Variants in PAQR5 observed in about 807,000 individuals in gnomAD.
The protein encoded by PAQR5 is progestin and adipoQ receptor family member 5.
A neutral mutation model predicts 34.5 loss-of-function variants in PAQR5; 20 were observed. The observed-to-expected ratio is 0.58, with a 90% CI of 0.41 to 0.84. The LOEUF (loss-of-function observed/expected upper bound fraction) is 0.84. Ranked by LOEUF, PAQR5 falls within the 40% of genes least tolerant of loss-of-function variation. The pLI, the probability that PAQR5 is intolerant of heterozygous loss-of-function variation, is 0.00. For missense variants in PAQR5, 378 were observed against 412.7 expected (o/e 0.92, Z 0.73); for synonymous variants, 131 against 155.6 (o/e 0.84, Z 1.18).
chr15:69,325,304 C>G (rs771150794), intron 1 of PAQR5, among the ~76,000 whole-genome samples: 23 of 152,146 alleles, frequency 1.5e-4, no homozygotes, highest in Non-Finnish European at 2.2e-4. Flanking sequence ...TGTCTATCCC[C>G]AGGCAGCTGC....
intron 8 of PAQR5, among the ~76,000 whole-genome samples, chr15:69,403,336 A>T (rs540637427): frequency 4.6e-5 from 7 of 152,354 alleles, no homozygotes; most frequent in Non-Finnish European, 1.0e-4. Flanking sequence ...CATCAGTTTT[A>T]GAACATTTTC....
chr15:69,339,881 T>G (rs150899038), intron 2 of PAQR5, among the ~76,000 whole-genome samples: 1,998 of 152,114 alleles, frequency 0.013, 22 homozygotes, highest in African/African-American at 0.02. Context: ...ACCTTTTTTT[T>G]GGGGGACGGA....
intron 2 of PAQR5, among the ~76,000 whole-genome samples, chr15:69,337,989 A>G (rs1419736799): frequency 6.6e-6 from 1 of 152,108 alleles, no homozygotes; most frequent in Admixed American, 6.5e-5. Context: ...AGGCACGAGA[A>G]TTGCTTGAAC....
chr15:69,405,143 C>A lies in PAQR5; in HGVS notation c.*1321C>A. ...CATTACTGATTAAAGTTCAGTATTT[C>A]ATGGTGTTTTCAGGGAACACAGAAA... On this transcript the variant is annotated 3_prime_UTR_variant, in exon 9 of 9. Coordinates refer to ENST00000395407, the MANE Select transcript of PAQR5 (RefSeq NM_017705.4). 2 of 396,340 alleles carry A rather than the reference C, an allele frequency of 5.0e-6. No homozygotes were observed. The highest frequency in any genetic ancestry group is 1.4e-4 in the South Asian group (1 of 7,274). The allele number at this position is 396,340 out of a possible 1,614,324, so 24.6% of individuals were successfully genotyped here. A position where few individuals can be genotyped will look rare whatever the true frequency, so the allele number is the denominator to read the frequency against.
At chr15:69,345,788 T>C (rs1595878436) in intron 2 of PAQR5, among the ~76,000 whole-genome samples, 1 of 152,108 alleles carries the variant, frequency 6.6e-6, no homozygotes, top group Non-Finnish European at 1.5e-5. Context: ...AAAAAAGAAA[T>C]CTTGCATAGT....
rs181718155 is a variant in PAQR5, at chr15:69,397,830, G to T, written c.609+266G>T. 156 of 519,228 alleles carry T rather than the reference G, an allele frequency of 3.0e-4. 1 individual carries two copies. The East Asian group carries it at 4.7e-3, about 16-fold the overall frequency. The allele number at this position is 519,228 out of a possible 1,614,324, so 32.2% of individuals were successfully genotyped here. A position where few individuals can be genotyped will look rare whatever the true frequency, so the allele number is the denominator to read the frequency against. On this transcript the variant is annotated intron_variant, in intron 7 of 8. Transcript: ENST00000395407. ...GTCTTCCTTTTTCTACATAGACACA[G>T]TAACAGTCTGATATATCTTTCTTTC... is the stretch of plus-strand genomic sequence containing the variant.
Position 69,322,769 on chromosome 15 carries a change from A to AGAC in PAQR5, c.-276-14570_-276-14569insCGA, listed in dbSNP as rs1566997979. On this transcript the variant is annotated intron_variant, in intron 1 of 8. Coordinates refer to ENST00000395407, the MANE Select transcript of PAQR5 (RefSeq NM_017705.4). ...AAGAAGAAGAAGAAGAAGAAGAAGAAGAGGGAGAAGAAGAAGACGAGGAAG... is the reference window on the plus strand; with the variant it reads ...AAGAAGAAGAAGAAGAAGAAGAAGAAGACGAGGGAGAAGAAGAAGACGAGGAAG... Among the ~76,000 whole-genome samples, 78 of 29,614 alleles carry AGAC rather than the reference A, an allele frequency of 2.6e-3. 20 individuals carry two copies. The highest frequency in any genetic ancestry group is 0.015 in the East Asian group (11 of 720). 19.4% of individuals were successfully genotyped at this position (29,614 alleles called of 152,430 possible).
intron 1 of PAQR5, among the ~76,000 whole-genome samples, chr15:69,332,601 G>A (rs534200685): frequency 6.6e-6 from 1 of 152,062 alleles, no homozygotes; most frequent in East Asian, 1.9e-4. Context: ...GACAATGGCA[G>A]CCTGAGTTTT....
chr15:69,306,188 G>A (rs1300743575), intron 1 of PAQR5, among the ~76,000 whole-genome samples: 1 of 152,038 alleles, frequency 6.6e-6, no homozygotes, highest in Admixed American at 6.6e-5. Context: ...GCTGTGTTGC[G>A]GGGAATTGGG....
At chr15:69,396,536 C>T (rs773123764) in intron 6 of PAQR5, among the ~76,000 whole-genome samples, 2 of 152,186 alleles carry the variant, frequency 1.3e-5, no homozygotes, top group Non-Finnish European at 2.9e-5. Flanking sequence ...AGGGAGGACA[C>T]AGCCCTCCAC....
intron 1 of PAQR5, among the ~76,000 whole-genome samples, chr15:69,327,050 T>C (rs926416079): frequency 6.6e-6 from 1 of 151,886 alleles, no homozygotes; most frequent in Admixed American, 6.6e-5. Flanking sequence ...GCAGTGGCAG[T>C]AACATGGCTC....
At chr15:69,397,785 A>C (rs1443565174) in intron 7 of PAQR5, 2 of 583,152 alleles carry the variant, frequency 3.4e-6, no homozygotes, top group African/African-American at 3.7e-5. Flanking sequence ...CTTAGTACAG[A>C]TCAAAATGGA....
chr15:69,300,628 T>C (rs1354152313), intron 1 of PAQR5, among the ~76,000 whole-genome samples: 17 of 56,216 alleles, frequency 3.0e-4, no homozygotes, highest in South Asian at 6.4e-4. Flanking sequence ...TTTCTTTCTT[T>C]CTTTCTTTCT....
At chr15:69,379,306 G>C in intron 3 of PAQR5, 1 of 465,410 alleles carries the variant, frequency 2.1e-6, no homozygotes, top group Non-Finnish European at 2.8e-6. Context: ...CAAATGGGCT[G>C]CATGGGGGTG....
At chr15:69,299,555 G>C (rs891328021) in intron 1 of PAQR5, among the ~76,000 whole-genome samples, 16 of 152,280 alleles carry the variant, frequency 1.1e-4, no homozygotes, top group African/African-American at 3.8e-4. Context: ...CTGCCTGCGG[G>C]GGTCGTCCCG....
intron 2 of PAQR5, among the ~76,000 whole-genome samples, chr15:69,356,512 C>G (rs2055081358): frequency 1.3e-5 from 2 of 152,142 alleles, no homozygotes; most frequent in South Asian, 2.1e-4. Flanking sequence ...GCATTTTAAC[C>G]ATTTTTAAGT....
chr15:69,317,486 C>G (rs1005776201), intron 1 of PAQR5, among the ~76,000 whole-genome samples: 1 of 152,216 alleles, frequency 6.6e-6, no homozygotes, highest in Non-Finnish European at 1.5e-5. Flanking sequence ...AGCCTTCTTC[C>G]CTCTGCCAGT....
chr15:69,391,750 G>C, intron 6 of PAQR5: 1 of 453,186 alleles, frequency 2.2e-6, no homozygotes, highest in South Asian at 1.6e-5. Context: ...GGCTTCGTGA[G>C]TGTGGAAGAA....
In PAQR5 at chr15:69,310,672, C is replaced by T. The variant is rs182408870; in HGVS notation, c.-277+11616C>T. ...TCTTTTGTCTGGAATATACATTATA[C>T]GTTTTTCCCTTCCTCATTTGGTCAA... is the stretch of plus-strand genomic sequence containing the variant. On this transcript the variant is annotated intron_variant, in intron 1 of 8. Coordinates refer to ENST00000395407, the MANE Select transcript of PAQR5 (RefSeq NM_017705.4). Among the ~76,000 whole-genome samples, 785 of 152,184 alleles carry T rather than the reference C, an allele frequency of 5.2e-3. 3 individuals are homozygous for T. The highest frequency in any genetic ancestry group is 0.02 in the Middle Eastern group (6 of 294).
Sources: allele counts gnomAD v4.1 joint callset (sites outside exome capture counted in the v4.1 genomes callset), GRCh38; gene constraint gnomAD v4.1.1; transcripts MANE v1.5; gene names NCBI Gene and HGNC (gene_info 2026-07-23, HGNC 2026-07-21).